Variants in DNAI1 observed in about 807,000 individuals in gnomAD.
DNAI1 encodes the protein dynein axonemal intermediate chain 1.
Under a neutral mutation model 92.0 loss-of-function variants are expected in DNAI1, and 67 were observed. The observed-to-expected ratio is 0.73, with a 90% CI of 0.60 to 0.89. The LOEUF (loss-of-function observed/expected upper bound fraction) is 0.89. Among genes scored for constraint, DNAI1 ranks in the 40% least tolerant of loss-of-function variants. DNAI1 has a pLI of 0.00. For missense variants in DNAI1, 839 were observed against 866.6 expected (o/e 0.97, Z 0.40); for synonymous variants, 323 against 319.6 (o/e 1.01, Z -0.11).
chr9:34,492,180 G>A (rs971818407), intron 8 of DNAI1, among the ~76,000 whole-genome samples: 3 of 152,022 alleles, frequency 2.0e-5, no homozygotes, highest in Non-Finnish European at 4.4e-5. Context: ...AAAGATTAGA[G>A]TACTTTGCAA....
intron 1 of DNAI1, among the ~76,000 whole-genome samples, chr9:34,475,206 C>T (rs553457449): frequency 4.6e-5 from 7 of 152,252 alleles, no homozygotes; most frequent in South Asian, 4.1e-4. Flanking sequence ...CTTTTAGAAA[C>T]GGAAACGGCA....
rs2132057312 is a variant in DNAI1 at position 34,485,158 on chromosome 9, C to T, written c.98C>T (p.Thr33Ile). 2 of 1,614,178 alleles carry T rather than the reference C, an allele frequency of 1.2e-6. No homozygotes were observed. Among genetic ancestry groups the T allele is most frequent in the Non-Finnish European group, 1.7e-6 (2 of 1,180,034 alleles). Residue 33 changes from threonine to isoleucine, a missense_variant, in exon 3 of 20, where the codon ACT (threonine) becomes ATT (isoleucine). By Grantham distance (89) the Thr-to-Ile change is moderately conservative. Coordinates refer to ENST00000242317, the MANE Select transcript of DNAI1 (RefSeq NM_012144.4). ...TTTGTCTAGGATGAAGATTCAGGGACTGAAGTGGGAGAAGGCACAGATGAA... is the reference window on the plus strand; with the variant it reads ...TTTGTCTAGGATGAAGATTCAGGGATTGAAGTGGGAGAAGGCACAGATGAA... Reference protein sequence around the residue: ...GTRKRDEDSGTEVGEGTDEWA... With the variant: ...GTRKRDEDSGIEVGEGTDEWA...
intron 10 of DNAI1, among the ~76,000 whole-genome samples, chr9:34,498,450 G>C (rs1160489702): frequency 6.6e-6 from 1 of 152,228 alleles, no homozygotes; most frequent in Non-Finnish European, 1.5e-5. Flanking sequence ...TCGCCGCTAG[G>C]CTGCAAAGCC....
intron 16 of DNAI1, among the ~76,000 whole-genome samples, chr9:34,514,182 C>T (rs1163477029): frequency 6.6e-6 from 1 of 152,188 alleles, no homozygotes; most frequent in African/African-American, 2.4e-5. Flanking sequence ...GAAGTCTCCC[C>T]TGCCCATCCT....
At chr9:34,466,176 C>T (rs543862515) in intron 1 of DNAI1, among the ~76,000 whole-genome samples, 2 of 145,288 alleles carry the variant, frequency 1.4e-5, no homozygotes, top group African/African-American at 5.7e-5. Flanking sequence ...CTGCACTACT[C>T]TGAACACTAA....
chr9:34,492,507 T>TCTATAG (rs1824626371), intron 8 of DNAI1, among the ~76,000 whole-genome samples: 1 of 59,562 alleles, frequency 1.7e-5, no homozygotes, highest in African/African-American at 6.1e-5. Context: ...TATATATATA[T>TCTATAG]ATATATATAT....
At chr9:34,498,625 G>T (rs1343575730) in intron 10 of DNAI1, among the ~76,000 whole-genome samples, 1 of 152,218 alleles carries the variant, frequency 6.6e-6, no homozygotes, top group Non-Finnish European at 1.5e-5. Flanking sequence ...CCTTCCCATG[G>T]CATGAACAGC....
intron 1 of DNAI1, among the ~76,000 whole-genome samples, chr9:34,461,593 C>G (rs1823952387): frequency 6.6e-6 from 1 of 152,198 alleles, no homozygotes; most frequent in South Asian, 2.1e-4. Flanking sequence ...ACATTAGAGA[C>G]TAGTTACACT....
chr9:34,503,001 A>C (rs1339737454), intron 12 of DNAI1, among the ~76,000 whole-genome samples: 1 of 152,168 alleles, frequency 6.6e-6, no homozygotes, highest in Non-Finnish European at 1.5e-5. Context: ...TTTGTCTGTC[A>C]TTCTTTCTCG....
chr9:34,477,924 CTTTTTT>C (rs74180566), intron 1 of DNAI1, among the ~76,000 whole-genome samples: 30 of 49,024 alleles, frequency 6.1e-4, no homozygotes, highest in South Asian at 1.6e-3. Flanking sequence ...CTCTCTCTCT[CTTTTTT>C]TTTTTTTTTT....
Position 34,514,683 on chromosome 9 carries a change from G to A in DNAI1, c.1762G>A (p.Val588Met). The A allele has an allele frequency of 6.2e-7, 1 of 1,614,174 alleles. No homozygotes were observed. Among genetic ancestry groups the A allele is most frequent in the Non-Finnish European group, 8.5e-7 (1 of 1,180,046 alleles). The change falls in exon 18 of 20, where the codon GTG (valine) becomes ATG (methionine). Residue 588 changes from valine (V) to methionine (M), a missense_variant. By Grantham distance (21) the Val-to-Met change is conservative. Transcript: ENST00000242317. ...IYDLNSAVGD[V>M]AWAPYSSTVF... ...TGACCTGAACTCAGCCGTGGGTGAT[G>A]TGGCCTGGGCGCCATACTCTTCTAC...
chr9:34,493,596 C>G (rs538928626), intron 9 of DNAI1, among the ~76,000 whole-genome samples: 119 of 151,604 alleles, frequency 7.8e-4, no homozygotes, highest in Non-Finnish European at 1.4e-3. Flanking sequence ...AGACATATTC[C>G]TTATTGAAAG....
At chr9:34,501,011 G>T in intron 11 of DNAI1, 127 bp from the exon 12 acceptor site, 1 of 997,472 alleles carries the variant, frequency 1.0e-6, no homozygotes, top group Non-Finnish European at 1.6e-6. Flanking sequence ...CTCCCAAGTG[G>T]TGAGGGCCTA....
At chr9:34,492,535 T>TCTATAGATATAGA (rs1425684909) in intron 8 of DNAI1, among the ~76,000 whole-genome samples, 1 of 131,860 alleles carries the variant, frequency 7.6e-6, no homozygotes, top group African/African-American at 2.8e-5. Flanking sequence ...TATATATATA[T>TCTATAGATATAGA]TTGAGACAAG....
intron 19 of DNAI1, among the ~76,000 whole-genome samples, chr9:34,518,350 G>A (rs1825209362): frequency 6.6e-6 from 1 of 152,252 alleles, no homozygotes; most frequent in South Asian, 2.1e-4. Flanking sequence ...CCAAGGAAGG[G>A]ACTGCGGCAC....
In DNAI1 at chr9:34,483,623, T is replaced by G. The variant is rs1329609184; in HGVS notation, c.81+143T>G. 6 of 685,274 alleles carry G rather than the reference T, an allele frequency of 8.8e-6. No individual in the cohort carries two copies. In the African/African-American group the frequency reaches 1.1e-4, roughly 12 times the overall value. 42.4% of individuals were successfully genotyped at this position (685,274 alleles called of 1,614,324 possible). A position where few individuals can be genotyped will look rare whatever the true frequency, so the allele number is the denominator to read the frequency against. ...CACCCTTAAACCTACCACCTTATAA[T>G]AACTTTAGTTAACATGTGATGTTAC... On this transcript the variant is annotated intron_variant, in intron 2 of 19. Transcript: ENST00000242317.
rs927687791 is a variant in DNAI1, at chr9:34,458,834, G to A, written c.-172G>A. ...GCTGGGTAACCGCGTCAGGGAGTTG[G>A]ATTCTATCCTGCAAGGGCACGGGGA... On this transcript the variant is annotated 5_prime_UTR_variant, in exon 1 of 20. Transcript: ENST00000242317. The surrounding 1 kb of genome is among the most constrained non-coding windows in gnomAD (Gnocchi z 6.6). 1 of 692,504 alleles carries A rather than the reference G, an allele frequency of 1.4e-6. No homozygotes were observed. The highest frequency in any genetic ancestry group is 2.1e-5 in the Admixed American group (1 of 48,434). 42.9% of individuals were successfully genotyped at this position (692,504 alleles called of 1,614,324 possible).
At chr9:34,510,091 C>G (rs1377795499) in intron 13 of DNAI1, among the ~76,000 whole-genome samples, 1 of 152,092 alleles carries the variant, frequency 6.6e-6, no homozygotes, top group Non-Finnish European at 1.5e-5. Flanking sequence ...AGGACTGTGT[C>G]AGAGATACTG....
At chr9:34,493,991 C>T (rs1002416913) in intron 9 of DNAI1, among the ~76,000 whole-genome samples, 1 of 152,034 alleles carries the variant, frequency 6.6e-6, no homozygotes. Context: ...AAGGGAGGGT[C>T]GCCACAGGGA....
Sources: gnomAD v4.1 joint callset for allele counts (sites outside exome capture counted in the v4.1 genomes callset) on GRCh38, gnomAD v4.1.1 for gene constraint, Gnocchi (gnomAD v3.1) non-coding constraint, MANE v1.5 for transcripts, NCBI Gene and HGNC (gene_info 2026-07-23, HGNC 2026-07-21) for gene names.